ACSF3: variants seen among roughly 807,000 people sequenced by gnomAD.
ACSF3 encodes the protein malonate--CoA ligase ACSF3, mitochondrial.
ACSF3 carries 78 observed loss-of-function variants against 53.2 expected under a neutral mutation model. The observed-to-expected ratio is 1.47, with a 90% CI of 1.22 to 1.77. The LOEUF is 1.77. ACSF3 is among the 40% of genes most tolerant of loss of function. The probability of loss-of-function intolerance (pLI) is 0.00; values close to 1 mark genes in which losing one functional copy is unlikely to be tolerated. For missense variants in ACSF3, 937 were observed against 771.1 expected (o/e 1.22, Z -2.55); for synonymous variants, 414 against 333.1 (o/e 1.24, Z -2.65).
At chr16:89,106,253 C>T (rs564934262) in intron 4 of ACSF3, among the ~76,000 whole-genome samples, 1 of 152,290 alleles carries the variant, frequency 6.6e-6, no homozygotes, top group East Asian at 1.9e-4. Context: ...CCGTTTTTGA[C>T]ACTTACTTGG....
intron 6 of ACSF3, among the ~76,000 whole-genome samples, chr16:89,115,960 C>T (rs1021743888): frequency 1.3e-5 from 2 of 152,182 alleles, no homozygotes; most frequent in African/African-American, 2.4e-5. Context: ...CACCTAACAG[C>T]GTCTTTAAAA....
At chr16:89,124,827 C>T (rs958703088) in intron 7 of ACSF3, among the ~76,000 whole-genome samples, 8 of 152,244 alleles carry the variant, frequency 5.3e-5, no homozygotes, top group Admixed American at 1.3e-4. Flanking sequence ...ACCCTTTCTG[C>T]ATTGCATTGC....
At position 89,154,957 on chromosome 16, in the gene ACSF3, C is replaced by G; in HGVS notation, c.*750C>G. On this transcript the variant is annotated 3_prime_UTR_variant, in exon 11 of 11. Coordinates refer to ENST00000614302, the MANE Select transcript of ACSF3 (RefSeq NM_001243279.3). ...GCCCCTCAGCCGGTGAACCCTCTCT[C>G]CCATCACCGTCTCCACCCAGACCCC... The G allele has an allele frequency of 2.2e-6, 1 of 454,026 alleles. No homozygotes were observed. Among genetic ancestry groups the G allele is most frequent in the South Asian group, 1.6e-5 (1 of 64,476 alleles). The allele number at this position is 454,026 out of a possible 1,614,324, so 28.1% of individuals were successfully genotyped here.
chr16:89,118,870 A>C (rs948711508), intron 6 of ACSF3, among the ~76,000 whole-genome samples: 3 of 152,272 alleles, frequency 2.0e-5, no homozygotes, highest in Non-Finnish European at 4.4e-5. Flanking sequence ...AGTGCCCCCC[A>C]CCTGCCTGCA....
At chr16:89,150,950 TG>T (rs1270658345) in intron 10 of ACSF3, 11 of 1,270,460 alleles carry the variant, frequency 8.7e-6, no homozygotes, top group Non-Finnish European at 1.1e-5. Context: ...AACTGTCTAA[TG>T]GGAGTTCCAA....
At chr16:89,103,057 C>T (rs1424323302) in intron 4 of ACSF3, among the ~76,000 whole-genome samples, 2 of 152,336 alleles carry the variant, frequency 1.3e-5, no homozygotes, top group East Asian at 3.9e-4. Context: ...AAGAGGTTAA[C>T]AATAACAGAA....
At chr16:89,124,271 G>A (rs1033391644) in intron 7 of ACSF3, among the ~76,000 whole-genome samples, 6 of 152,178 alleles carry the variant, frequency 3.9e-5, no homozygotes, top group Non-Finnish European at 5.9e-5. Flanking sequence ...ACTCCCTGAC[G>A]ATGTCATAGG....
intron 6 of ACSF3, among the ~76,000 whole-genome samples, chr16:89,115,718 A>G (rs1484865985): frequency 1.3e-5 from 2 of 152,130 alleles, no homozygotes; most frequent in South Asian, 2.1e-4. Flanking sequence ...TCCCCCTGCA[A>G]TGGGTGGGAG....
intron 8 of ACSF3, among the ~76,000 whole-genome samples, chr16:89,138,062 C>T (rs865829823): frequency 6.6e-5 from 10 of 152,268 alleles, no homozygotes; most frequent in Admixed American, 1.3e-4. Context: ...CCTCAAGAAG[C>T]GAAAATCAGA....
chr16:89,104,025 G>C (rs921639021), intron 4 of ACSF3, among the ~76,000 whole-genome samples: 2 of 152,172 alleles, frequency 1.3e-5, no homozygotes, highest in African/African-American at 4.8e-5. Context: ...TGGCTTTTAG[G>C]AGTTGCTGTG....
In ACSF3 at chr16:89,145,275, G is replaced by A. The variant is rs200029061; in HGVS notation, c.1375G>A (p.Val459Met). ...LDGWFKTGDTVVFKDGQYWIR... is the reference protein window; with the variant it reads ...LDGWFKTGDTMVFKDGQYWIR... ...GAGCCCCTTTTCCTCAGGGGACACC[G>A]TGGTGTTTAAGGATGGCCAGTACTG... is the stretch of plus-strand genomic sequence containing the variant. The change falls in exon 9 of 11, where the codon GTG (valine) becomes ATG (methionine). Residue 459 changes from valine (V) to methionine (M), a missense_variant. By Grantham distance (21) the Val-to-Met change is conservative. Coordinates refer to ENST00000614302, the MANE Select transcript of ACSF3 (RefSeq NM_001243279.3). 1.1e-4 allele frequency: 176 copies of A among 1,613,976 alleles called. No individual in the cohort carries two copies. The highest frequency in any genetic ancestry group is 1.6e-4 in the Middle Eastern group (1 of 6,084).
At chr16:89,108,981 C>T (rs1976349465) in intron 4 of ACSF3, among the ~76,000 whole-genome samples, 1 of 152,082 alleles carries the variant, frequency 6.6e-6, no homozygotes, top group African/African-American at 2.4e-5. Flanking sequence ...ACCTGAAATC[C>T]TAGCACTTTG....
chr16:89,102,147 C>T (rs1384671641), intron 3 of ACSF3, among the ~76,000 whole-genome samples: 2 of 152,220 alleles, frequency 1.3e-5, no homozygotes, highest in Non-Finnish European at 2.9e-5. Flanking sequence ...TGCTCTGGAG[C>T]CTGGCCTGGG....
At chr16:89,146,363 G>C (rs1912959037) in intron 10 of ACSF3, among the ~76,000 whole-genome samples, 3 of 152,140 alleles carry the variant, frequency 2.0e-5, no homozygotes, top group Non-Finnish European at 4.4e-5. Context: ...GATGAGCCAG[G>C]CCAGGCCCAT....
chr16:89,094,447 CATGT>C (rs1974374620), intron 1 of ACSF3, among the ~76,000 whole-genome samples: 1 of 152,192 alleles, frequency 6.6e-6, no homozygotes, highest in Non-Finnish European at 1.5e-5. Context: ...CCCCTGAGGG[CATGT>C]AGATCTATGA....
chr16:89,120,946 C>T (rs759421967), intron 7 of ACSF3, 33 bp downstream of exon 7: 121 of 1,596,492 alleles, frequency 7.6e-5, no homozygotes, highest in Non-Finnish European at 3.9e-5. Flanking sequence ...GGTGGGCGGC[C>T]GTGTGTCCAG....
At chr16:89,134,828 C>A (rs141093376) in intron 8 of ACSF3, among the ~76,000 whole-genome samples, 646 of 152,350 alleles carry the variant, frequency 4.2e-3, no homozygotes, top group Non-Finnish European at 6.9e-3. Flanking sequence ...ACCTTCCCAG[C>A]TAGGCTTAGG....
chr16:89,136,833 A>G (rs1270962494), intron 8 of ACSF3: 1 of 1,284,116 alleles, frequency 7.8e-7, no homozygotes, highest in East Asian at 5.6e-5. Context: ...GTTTCAGGTA[A>G]CTCCTCTGAC....
rs543425407 is a variant in ACSF3 at position 89,093,874 on chromosome 16, G to A, written c.-316G>A. The A allele has an allele frequency of 6.3e-6, 2 of 317,066 alleles. No homozygotes were observed. The highest frequency in any genetic ancestry group is 1.3e-5 in the Non-Finnish European group (2 of 151,726). The allele number at this position is 317,066 out of a possible 1,614,324, so 19.6% of individuals were successfully genotyped here. ...GCTGTTGGGCGCCGGAACTGGTCCG[G>A]CCCGACTCACGACCCCGCGGGACCC... On this transcript the variant is annotated 5_prime_UTR_variant, in exon 1 of 11. Coordinates refer to ENST00000614302, the MANE Select transcript of ACSF3 (RefSeq NM_001243279.3).
Sources: allele counts gnomAD v4.1 joint callset (sites outside exome capture counted in the v4.1 genomes callset), GRCh38; gene constraint gnomAD v4.1.1; transcripts MANE v1.5; gene names NCBI Gene and HGNC (gene_info 2026-07-23, HGNC 2026-07-21).